Variants in SMG9 observed in about 807,000 individuals in gnomAD.
SMG9 encodes the protein nonsense-mediated mRNA decay factor SMG9.
SMG9 carries 55 observed loss-of-function variants against 64.0 expected under a neutral mutation model. The observed-to-expected ratio is 0.86, with a 90% CI of 0.69 to 1.08. The LOEUF is 1.08. Ranked by LOEUF, SMG9 falls within the 50% of genes least tolerant of loss-of-function variation. The probability of loss-of-function intolerance (pLI) is 0.00; values close to 1 mark genes in which losing one functional copy is unlikely to be tolerated. For missense variants in SMG9, 554 were observed against 681.3 expected (o/e 0.81, Z 2.08); for synonymous variants, 244 against 254.8 (o/e 0.96, Z 0.41).
At chr19:43,741,658 C>T (rs1221884589) in intron 6 of SMG9, among the ~76,000 whole-genome samples, 2 of 152,208 alleles carry the variant, frequency 1.3e-5, no homozygotes, top group Non-Finnish European at 2.9e-5. Flanking sequence ...CCTTCTAAGG[C>T]TGCCACGTTC....
rs759195067 is a variant in SMG9, at chr19:43,747,745, G to A, written c.378C>T (p.Pro126=). ...CCTTGGGTGGCGCAGGGGCTGCAGG[G>A]GGTGGTGGGGCGGTGCCCTCAGGGG... The part of the protein sequence containing the change: ...ASTPEGTAPP[P]PAAPAPPKGE... The change falls in exon 4 of 14, where the codon CCC becomes CCT. Residue 126 remains proline, a synonymous_variant. Transcript: ENST00000270066. 6 of 1,610,828 alleles carry A rather than the reference G, an allele frequency of 3.7e-6. No individual in the cohort carries two copies. The South Asian group carries it at 6.6e-5, about 18-fold the overall frequency.
At chr19:43,738,263 C>T (rs760162514) in intron 7 of SMG9, 46 bp from the exon 8 acceptor site, 1 of 1,548,538 alleles carries the variant, frequency 6.5e-7, no homozygotes, top group Non-Finnish European at 8.9e-7. Flanking sequence ...ACCCAAGTTT[C>T]ACACGCTCAA....
chr19:43,746,843 A>C (rs1969027477), intron 5 of SMG9, among the ~76,000 whole-genome samples: 1 of 147,440 alleles, frequency 6.8e-6, no homozygotes. Flanking sequence ...TTTTACTGAG[A>C]CAGGGTCTCA....
At chr19:43,748,675 C>T (rs762746503) in intron 2 of SMG9, 2 of 520,200 alleles carry the variant, frequency 3.8e-6, no homozygotes, top group Non-Finnish European at 7.7e-6. Flanking sequence ...GCCTCCCCAA[C>T]TTACCCTCAG....
At chr19:43,736,387 G>A (rs1358016433) in intron 9 of SMG9, among the ~76,000 whole-genome samples, 1 of 152,108 alleles carries the variant, frequency 6.6e-6, no homozygotes, top group Non-Finnish European at 1.5e-5. Context: ...CCTTCTGCCT[G>A]GTCCGTGTGC....
intron 2 of SMG9, 50 bp from the exon 3 acceptor site, chr19:43,748,102 A>G: frequency 1.3e-6 from 2 of 1,557,646 alleles, no homozygotes; most frequent in Non-Finnish European, 1.7e-6. Flanking sequence ...TGGACATTCC[A>G]GATCTTTATG....
chr19:43,736,939 T>C (rs1228183461), intron 9 of SMG9, among the ~76,000 whole-genome samples: 1 of 152,174 alleles, frequency 6.6e-6, no homozygotes, highest in Non-Finnish European at 1.5e-5. Context: ...GCAGAGGTCC[T>C]GGGCTGCAGG....
chr19:43,738,801 T>C (rs1359465015), intron 7 of SMG9, among the ~76,000 whole-genome samples: 2 of 152,240 alleles, frequency 1.3e-5, no homozygotes, highest in Non-Finnish European at 2.9e-5. Context: ...CATTGAGCAG[T>C]GCTCTATTCT....
intron 6 of SMG9, among the ~76,000 whole-genome samples, chr19:43,743,495 T>A (rs757569671): frequency 2.0e-5 from 3 of 152,056 alleles, no homozygotes; most frequent in Non-Finnish European, 2.9e-5. Flanking sequence ...ACTGCAAATG[T>A]GTGTAAAATT....
rs191766014 is a variant in SMG9, at chr19:43,753,336, A to C, written c.-7+1318T>G. 6.6e-5 allele frequency among the ~76,000 whole-genome samples: 10 copies of C among 152,198 alleles called. No individual in the cohort carries two copies. In the East Asian group the frequency reaches 1.4e-3, roughly 21 times the overall value. On this transcript the variant is annotated intron_variant, in intron 1 of 13. Coordinates refer to ENST00000270066, the MANE Select transcript of SMG9 (RefSeq NM_019108.4). Reference sequence around the variant, plus strand: ...TTACACATTATTCTGAAATCTACCCAGTGCTTAAGTACTTGTCTTCATGCC... The same window carrying C: ...TTACACATTATTCTGAAATCTACCCCGTGCTTAAGTACTTGTCTTCATGCC...
In SMG9 at chr19:43,754,865, G is replaced by A. The variant is rs913764789; in HGVS notation, c.-218C>T. The A allele has an allele frequency of 1.3e-5, 2 of 152,402 alleles. No individual in the cohort carries two copies. Among genetic ancestry groups the A allele is most frequent in the African/African-American group, 4.8e-5 (2 of 41,472 alleles). The allele number at this position is 152,402 out of a possible 1,614,324, so 9.4% of individuals were successfully genotyped here. On this transcript the variant is annotated 5_prime_UTR_variant, in exon 1 of 14. Coordinates refer to ENST00000270066, the MANE Select transcript of SMG9 (RefSeq NM_019108.4). ...CCTAAGGAAAGCTGGGCCGAAGGAA[G>A]AAGAGGAGGAGGATGTAACGCGGGC... is the stretch of plus-strand genomic sequence containing the variant.
chr19:43,749,032 G>C (rs918379913), intron 2 of SMG9, among the ~76,000 whole-genome samples: 2 of 152,154 alleles, frequency 1.3e-5, no homozygotes, highest in Admixed American at 6.5e-5. Flanking sequence ...TGGAATATTT[G>C]CATATTTACT....
In SMG9 at chr19:43,747,709, C is replaced by G. The variant is rs747956190; in HGVS notation, c.414G>C (p.Glu138Asp). 1 of 1,610,870 alleles carries G rather than the reference C, an allele frequency of 6.2e-7. No homozygotes were observed. Among genetic ancestry groups the G allele is most frequent in the South Asian group, 1.1e-5 (1 of 90,638 alleles). ...ACACAGGCTGTGTGGGTCTCTGCCC[C>G]TCCTTCTCCCCCTTGGGTGGCGCAG... ...AAPAPPKGEK[E>D]GQRPTQPVYQ... Residue 138 changes from glutamate to aspartate, a missense_variant, in exon 4 of 14, where the codon GAG becomes GAC. Glu to Asp is a conservative substitution (Grantham distance 45, BLOSUM62 2). Transcript: ENST00000270066.
chr19:43,737,785 GC>G (rs1968720941), intron 8 of SMG9, 103 bp from the exon 9 acceptor site: 10 of 1,128,878 alleles, frequency 8.9e-6, no homozygotes, highest in Non-Finnish European at 1.3e-5. Flanking sequence ...AAGGCAAGGA[GC>G]CTTCAAGCAG....
chr19:43,751,869 T>A lies in SMG9; in HGVS notation c.-6-1122A>T, dbSNP rs1969199926. ...AGAGGCAGTGAAAAACAAATACACA[T>A]CTATCTCTTACTTGCAGCCAAAACT... is the stretch of plus-strand genomic sequence containing the variant. On this transcript the variant is annotated intron_variant, in intron 1 of 13. Transcript: ENST00000270066. Among the ~76,000 whole-genome samples, 7 of 152,326 alleles carry A rather than the reference T, an allele frequency of 4.6e-5. No homozygotes were observed. In the South Asian group the frequency reaches 1.4e-3, roughly 32 times the overall value.
At chr19:43,753,053 A>T (rs1030988089) in intron 1 of SMG9, among the ~76,000 whole-genome samples, 5 of 151,856 alleles carry the variant, frequency 3.3e-5, no homozygotes, top group Non-Finnish European at 7.4e-5. Flanking sequence ...CCAGAATGGA[A>T]GGGTCTGTTT....
At chr19:43,738,358 A>C in intron 7 of SMG9, 141 bp from the exon 8 acceptor site, 2 of 692,686 alleles carry the variant, frequency 2.9e-6, no homozygotes, top group South Asian at 4.1e-5. Flanking sequence ...AAGGAAGTTA[A>C]AGAAAAAAAA....
intron 5 of SMG9, among the ~76,000 whole-genome samples, chr19:43,745,988 C>T (rs1968989425): frequency 6.8e-6 from 1 of 146,322 alleles, no homozygotes; most frequent in Admixed American, 6.8e-5. Context: ...GCAACAGGAG[C>T]GAAATTCCAT....
At chr19:43,737,750 C>T in intron 8 of SMG9, 68 bp from the exon 9 acceptor site, 1 of 1,485,026 alleles carries the variant, frequency 6.7e-7, no homozygotes, top group Non-Finnish European at 9.3e-7. Flanking sequence ...AGTCCCTGAT[C>T]CCAGGACTCA....
Sources: allele counts gnomAD v4.1 joint callset (sites outside exome capture counted in the v4.1 genomes callset), GRCh38; gene constraint gnomAD v4.1.1; transcripts MANE v1.5; gene names NCBI Gene and HGNC (gene_info 2026-07-23, HGNC 2026-07-21).